DDX60: variants seen among roughly 807,000 people sequenced by gnomAD.
The protein encoded by DDX60 is probable ATP-dependent RNA helicase DDX60.
DDX60 carries 165 observed loss-of-function variants against 212.8 expected under a neutral mutation model. The observed-to-expected ratio is 0.78, with a 90% confidence interval of 0.68 to 0.88. The LOEUF is 0.88. Ranked by LOEUF, DDX60 falls within the 40% of genes least tolerant of loss-of-function variation. The pLI is 0.00. For missense variants in DDX60, 1,905 were observed against 2,003.9 expected (o/e 0.95, Z 0.94); for synonymous variants, 703 against 685.3 (o/e 1.03, Z -0.40).
intron 1 of DDX60, among the ~76,000 whole-genome samples, chr4:168,312,874 A>G (rs191280132): frequency 6.6e-6 from 1 of 152,300 alleles, no homozygotes; most frequent in African/African-American, 2.4e-5. Flanking sequence ...AATAAGTTTA[A>G]AGAAAAATGG....
intron 18 of DDX60, among the ~76,000 whole-genome samples, 164 bp from the exon 19 acceptor site, chr4:168,272,302 T>C (rs1198030700): frequency 6.6e-6 from 1 of 152,232 alleles, no homozygotes; most frequent in Non-Finnish European, 1.5e-5. Context: ...AACTGTGCTA[T>C]ATTCATTGGA....
At chr4:168,285,530 G>A (rs756936681) in intron 10 of DDX60, 32 bp from the exon 11 acceptor site, 2 of 1,375,658 alleles carry the variant, frequency 1.5e-6, no homozygotes, top group Admixed American at 1.9e-5. Context: ...TTGAGACAAG[G>A]TCAAATGTAA....
Position 168,246,412 on chromosome 4 carries a change from C to T in DDX60, c.4164+6G>A, listed in dbSNP as rs201761555. 3.6e-4 allele frequency: 574 copies of T among 1,613,666 alleles called. No homozygotes were observed. Among genetic ancestry groups the T allele is most frequent in the African/African-American group, 3.0e-3 (225 of 75,024 alleles). ...ACTGAACCTCAGGCAGTGTCCAGCA[C>T]GGTACCTTTGCCTTGGCATCCTCTG... On this transcript the variant is annotated splice_donor_region_variant and intron_variant, in intron 30 of 37. Transcript: ENST00000393743.
Position 168,255,818 on chromosome 4 carries a change from T to C in DDX60, c.3450A>G (p.Leu1150=). 2 of 1,608,372 alleles carry C rather than the reference T, an allele frequency of 1.2e-6. No homozygotes were observed. The highest frequency in any genetic ancestry group is 1.7e-6 in the Non-Finnish European group (2 of 1,178,516). Residue 1150 remains leucine, a synonymous_variant, in exon 26 of 38, where the codon CTA becomes CTG. Coordinates refer to ENST00000393743, the MANE Select transcript of DDX60 (RefSeq NM_017631.6). ...GCCTTTTTGTCTCCTGCTTTTTCTTTAGGAAAGTGCTCACACTTTCAGCTG... is the reference window on the plus strand; with the variant it reads ...GCCTTTTTGTCTCCTGCTTTTTCTTCAGGAAAGTGCTCACACTTTCAGCTG... ...ENAAESVSTF[L]KKKQETKRPP...
intron 19 of DDX60, among the ~76,000 whole-genome samples, chr4:168,269,900 T>C (rs977518029): frequency 1.1e-4 from 17 of 152,138 alleles, no homozygotes; most frequent in African/African-American, 3.6e-4. Context: ...ATTCAAATGG[T>C]AGAGTTCAGC....
chr4:168,226,330 C>T (rs923401225), intron 33 of DDX60, among the ~76,000 whole-genome samples: 2 of 151,862 alleles, frequency 1.3e-5, no homozygotes, highest in Non-Finnish European at 2.9e-5. Flanking sequence ...GGGATTAGGA[C>T]GCAGGGCCTT....
chr4:168,264,654 G>A (rs1009778391), intron 22 of DDX60, among the ~76,000 whole-genome samples: 1 of 152,146 alleles, frequency 6.6e-6, no homozygotes, highest in Admixed American at 6.5e-5. Flanking sequence ...GATTTCTTAT[G>A]AGAATTATAT....
chr4:168,226,406 G>A (rs755568234), intron 33 of DDX60, among the ~76,000 whole-genome samples: 4 of 152,100 alleles, frequency 2.6e-5, no homozygotes, highest in South Asian at 4.1e-4. Context: ...AAAAAAAGAC[G>A]CCAGAGAGCT....
Position 168,293,889 on chromosome 4 carries a change from C to T in DDX60, c.780G>A (p.Arg260=), listed in dbSNP as rs1323173556. ...TQVWPEGSDI[R]RVFCVTSCSL... The stretch of plus-strand genomic sequence containing the variant: ...AGCATGAAGTAACACAAAAGACACG[C>T]CGAATGTCAGATCCTTCTGGCCAGA... Residue 260 remains arginine, a synonymous_variant, in exon 7 of 38, where the codon CGG becomes CGA. Coordinates refer to ENST00000393743, the MANE Select transcript of DDX60 (RefSeq NM_017631.6). 2.5e-6 allele frequency: 4 copies of T among 1,613,952 alleles called. No individual in the cohort carries two copies. In the East Asian group the frequency reaches 6.7e-5, roughly 27 times the overall value.
At chr4:168,283,909 G>C (rs539807756) in intron 12 of DDX60, among the ~76,000 whole-genome samples, 34 of 152,202 alleles carry the variant, frequency 2.2e-4, no homozygotes, top group Middle Eastern at 3.4e-3. Flanking sequence ...TAAGAAGAAG[G>C]TAGAGGCAGA....
chr4:168,311,073 T>C lies in DDX60; in HGVS notation c.5-6A>G, dbSNP rs757794385. On this transcript the variant is annotated splice_polypyrimidine_tract_variant and splice_region_variant and intron_variant, in intron 2 of 37. Coordinates refer to ENST00000393743, the MANE Select transcript of DDX60 (RefSeq NM_017631.6). ...TGTTGTAAGAACATTTCTTTCTAAA[T>C]TTAAAAAAAAAGAGAGAAAGAGAAT... 1.3e-6 allele frequency: 2 copies of C among 1,540,508 alleles called. No individual in the cohort carries two copies. Among genetic ancestry groups the C allele is most frequent in the Non-Finnish European group, 1.8e-6 (2 of 1,124,016 alleles).
At chr4:168,255,512 T>A (rs766849129) in intron 26 of DDX60, among the ~76,000 whole-genome samples, 199 bp downstream of exon 26, 1 of 152,170 alleles carries the variant, frequency 6.6e-6, no homozygotes, top group Non-Finnish European at 1.5e-5. Context: ...ATGAGGCTGA[T>A]TGATGCAATT....
intron 19 of DDX60, among the ~76,000 whole-genome samples, chr4:168,271,342 T>A (rs1735090992): frequency 6.6e-6 from 1 of 152,224 alleles, no homozygotes; most frequent in Non-Finnish European, 1.5e-5. Flanking sequence ...CTGGTTCCAC[T>A]GCGTTTGGCC....
intron 37 of DDX60, 22 bp from the exon 38 acceptor site, chr4:168,217,054 T>A (rs752339441): frequency 6.6e-7 from 1 of 1,505,788 alleles, no homozygotes; most frequent in East Asian, 2.3e-5. Context: ...GAAAAAAATA[T>A]AGGATCCACT....
intron 24 of DDX60, 38 bp from the exon 25 acceptor site, chr4:168,261,027 T>A (rs770034010): frequency 1.3e-6 from 2 of 1,571,144 alleles, no homozygotes; most frequent in East Asian, 4.6e-5. Context: ...AAGTTCTGCA[T>A]GAGAAAGAAA....
Position 168,248,290 on chromosome 4 carries a change from C to G in DDX60, c.3861G>C (p.Val1287=). Residue 1287 remains valine, a splice_region_variant and synonymous_variant, in exon 29 of 38, where the codon GTG becomes GTC. Coordinates refer to ENST00000393743, the MANE Select transcript of DDX60 (RefSeq NM_017631.6). ...EILFRKGYLR[V]VTATGTLALG... Reference sequence around the variant, plus strand: ...AAGCAAGTGTTCCAGTAGCTGTCACCACCTTGAAAGAGAATAAAACAATTA... The same window carrying G: ...AAGCAAGTGTTCCAGTAGCTGTCACGACCTTGAAAGAGAATAAAACAATTA... 1 of 1,594,912 alleles carries G rather than the reference C, an allele frequency of 6.3e-7. No individual in the cohort carries two copies. Among genetic ancestry groups the G allele is most frequent in the Non-Finnish European group, 8.5e-7 (1 of 1,172,362 alleles).
At chr4:168,245,451 T>C (rs962881177) in intron 30 of DDX60, among the ~76,000 whole-genome samples, 22 of 152,198 alleles carry the variant, frequency 1.4e-4, no homozygotes, top group African/African-American at 5.3e-4. Context: ...TTCCCAAATA[T>C]GCAAAGCAAA....
intron 6 of DDX60, among the ~76,000 whole-genome samples, chr4:168,297,314 GA>G (rs375614017): frequency 3.0e-5 from 1 of 33,018 alleles, no homozygotes; most frequent in East Asian, 7.3e-4. Context: ...AAGAAAGAAA[GA>G]AAGAAAGAAA....
chr4:168,297,640 G>T (rs1449035917), intron 6 of DDX60, among the ~76,000 whole-genome samples: 1 of 152,070 alleles, frequency 6.6e-6, no homozygotes, highest in Non-Finnish European at 1.5e-5. Context: ...AACAAAACTG[G>T]GCCAGGTGCG....
Sources: gnomAD v4.1 joint callset for allele counts (sites outside exome capture counted in the v4.1 genomes callset) on GRCh38, gnomAD v4.1.1 for gene constraint, MANE v1.5 for transcripts, NCBI Gene and HGNC (gene_info 2026-07-23, HGNC 2026-07-21) for gene names.